PTPRK: variants seen among roughly 807,000 people sequenced by gnomAD.
The protein encoded by PTPRK is protein tyrosine phosphatase receptor type K.
In PTPRK, 75 loss-of-function variants were observed where a neutral mutation model predicts 178.0. The observed-to-expected ratio is 0.42, with a 90% CI of 0.35 to 0.51. PTPRK has a LOEUF of 0.51. Ranked by LOEUF, PTPRK falls within the 20% of genes least tolerant of loss-of-function variation. The pLI, the probability that PTPRK is intolerant of heterozygous loss-of-function variation, is 0.02. For missense variants in PTPRK, 1,441 were observed against 1,797.8 expected, an observed-to-expected ratio of 0.80 and a Z score of 3.59; for synonymous variants, 637 against 620.6, an observed-to-expected ratio of 1.03 and a Z score of -0.39.
chr6:128,451,173 T>G (rs1847740694), intron 1 of PTPRK, among the ~76,000 whole-genome samples: 1 of 152,232 alleles, frequency 6.6e-6, no homozygotes, highest in Non-Finnish European at 1.5e-5. Flanking sequence ...ATTAAAAATC[T>G]GATTGTTTGA....
At chr6:128,297,750 C>A (rs1352700496) in intron 3 of PTPRK, among the ~76,000 whole-genome samples, 1 of 152,130 alleles carries the variant, frequency 6.6e-6, no homozygotes, top group Non-Finnish European at 1.5e-5. Context: ...ATTTATAGCA[C>A]TAAATGCCCA....
At chr6:128,126,407 G>A (rs1793383007) in intron 7 of PTPRK, among the ~76,000 whole-genome samples, 1 of 152,120 alleles carries the variant, frequency 6.6e-6, no homozygotes, top group Non-Finnish European at 1.5e-5. Context: ...GGGCATTTGG[G>A]TTGCTTCCAG....
At chr6:128,127,278 T>C (rs949127901) in intron 7 of PTPRK, among the ~76,000 whole-genome samples, 2 of 152,222 alleles carry the variant, frequency 1.3e-5, no homozygotes, top group Admixed American at 6.5e-5. Flanking sequence ...ATTATAGGTC[T>C]TTTGCCTTTC....
chr6:128,308,427 T>C (rs1365704473), intron 3 of PTPRK, among the ~76,000 whole-genome samples: 2 of 151,716 alleles, frequency 1.3e-5, no homozygotes, highest in African/African-American at 4.8e-5. Context: ...AAAATAAATA[T>C]TAATAAAAGA....
At chr6:128,237,480 T>C (rs550846140) in intron 5 of PTPRK, among the ~76,000 whole-genome samples, 4 of 152,294 alleles carry the variant, frequency 2.6e-5, no homozygotes, top group South Asian at 4.1e-4. Flanking sequence ...ATTACAAGAC[T>C]TTTTCATCTT....
intron 3 of PTPRK, among the ~76,000 whole-genome samples, chr6:128,285,290 G>T (rs1312094040): frequency 1.3e-5 from 2 of 152,086 alleles, no homozygotes; most frequent in Non-Finnish European, 2.9e-5. Flanking sequence ...CAAGGCAGGC[G>T]GGTCACCTGA....
At chr6:128,225,474 T>C (rs926274752) in intron 5 of PTPRK, among the ~76,000 whole-genome samples, 5 of 152,180 alleles carry the variant, frequency 3.3e-5, no homozygotes, top group African/African-American at 1.2e-4. Context: ...AACTGAGAGT[T>C]CCTTACTAGA....
At chr6:128,332,636 A>C (rs1045150872) in intron 2 of PTPRK, among the ~76,000 whole-genome samples, 6 of 152,242 alleles carry the variant, frequency 3.9e-5, no homozygotes, top group African/African-American at 1.4e-4. Context: ...ATGAGATGAC[A>C]ATGTTAAAGG....
intron 2 of PTPRK, among the ~76,000 whole-genome samples, chr6:128,374,361 T>C (rs1269312533): frequency 1.3e-5 from 2 of 152,132 alleles, no homozygotes; most frequent in Non-Finnish European, 2.9e-5. Flanking sequence ...CTCCAAAGTG[T>C]GTATCCCCAG....
chr6:128,156,437 G>A (rs1389277041), intron 7 of PTPRK, among the ~76,000 whole-genome samples: 1 of 151,860 alleles, frequency 6.6e-6, no homozygotes, highest in Admixed American at 6.6e-5. Context: ...TATAATCATG[G>A]CAGAAGGTGA....
At chr6:128,351,093 A>T (rs979691947) in intron 2 of PTPRK, among the ~76,000 whole-genome samples, 1 of 152,220 alleles carries the variant, frequency 6.6e-6, no homozygotes, top group Admixed American at 6.5e-5. Context: ...AACATGACTC[A>T]TTCAGTCTTG....
intron 2 of PTPRK, among the ~76,000 whole-genome samples, chr6:128,333,255 T>C (rs565903107): frequency 6.6e-6 from 1 of 152,190 alleles, no homozygotes; most frequent in African/African-American, 2.4e-5. Flanking sequence ...TGTCTGGATA[T>C]ACTTCAACAC....
At chr6:128,364,195 T>C (rs527541642) in intron 2 of PTPRK, among the ~76,000 whole-genome samples, 40 of 152,210 alleles carry the variant, frequency 2.6e-4, no homozygotes, top group African/African-American at 9.4e-4. Context: ...TTTTTATCCC[T>C]GTGATATATA....
intron 7 of PTPRK, among the ~76,000 whole-genome samples, chr6:128,095,228 C>A (rs73584683): frequency 0.011 from 1,683 of 152,252 alleles, 23 homozygotes; most frequent in African/African-American, 0.038. Flanking sequence ...GGATAAGTAG[C>A]TTCACTTCAC....
At chr6:128,379,058 T>G (rs764434965) in intron 2 of PTPRK, among the ~76,000 whole-genome samples, 3 of 152,152 alleles carry the variant, frequency 2.0e-5, no homozygotes, top group Non-Finnish European at 4.4e-5. Flanking sequence ...ACCTGATTAT[T>G]TGCCACTTGC....
intron 3 of PTPRK, among the ~76,000 whole-genome samples, chr6:128,312,571 T>A (rs1418243069): frequency 3.3e-5 from 5 of 152,172 alleles, no homozygotes; most frequent in African/African-American, 1.2e-4. Context: ...GGATGTTTTA[T>A]CTCTCTCAGA....
At chr6:128,335,898 C>A (rs555519831) in intron 2 of PTPRK, among the ~76,000 whole-genome samples, 1 of 152,118 alleles carries the variant, frequency 6.6e-6, no homozygotes, top group Admixed American at 6.5e-5. Context: ...AATATTAAAT[C>A]ATATCCCAGG....
At position 128,194,605 on chromosome 6, in the gene PTPRK, C is replaced by T. The variant is rs572720792; in HGVS notation, c.869-9880G>A. Among the ~76,000 whole-genome samples, 26 of 152,206 alleles carry T rather than the reference C, an allele frequency of 1.7e-4. No homozygotes were observed. The South Asian group carries it at 5.4e-3, about 32-fold the overall frequency. On this transcript the variant is annotated intron_variant, in intron 6 of 29. Transcript: ENST00000368226. Reference sequence around the variant, plus strand: ...TCAAGAAAAGAACATCCAGTTGATTCCAGGAATAACAATCAAGTCAGCAAT... The same window carrying T: ...TCAAGAAAAGAACATCCAGTTGATTTCAGGAATAACAATCAAGTCAGCAAT...
At chr6:128,327,217 T>A (rs1829699828) in intron 2 of PTPRK, among the ~76,000 whole-genome samples, 1 of 152,144 alleles carries the variant, frequency 6.6e-6, no homozygotes, top group African/African-American at 2.4e-5. Flanking sequence ...GGTATTTACA[T>A]GGGAAATTGG....
Sources: allele counts gnomAD v4.1 joint callset (sites outside exome capture counted in the v4.1 genomes callset), GRCh38; gene constraint gnomAD v4.1.1; transcripts MANE v1.5; gene names NCBI Gene and HGNC (gene_info 2026-07-23, HGNC 2026-07-21).